The following TAFA2 variants were observed in gnomAD, a reference collection of about 807,000 sequenced individuals.
TAFA2 encodes the protein TAFA chemokine like family member 2, also known as chemokine-like protein TAFA-2.
TAFA2 carries 7 observed loss-of-function variants against 18.8 expected under a neutral mutation model. That is an observed-to-expected ratio of 0.37 (90% CI 0.21 to 0.70). TAFA2 has a LOEUF of 0.70. Ranked by LOEUF, TAFA2 falls within the 30% of genes least tolerant of loss-of-function variation. The probability of loss-of-function intolerance (pLI) is 0.53; values close to 1 mark genes in which losing one functional copy is unlikely to be tolerated. For missense variants in TAFA2, 122 were observed against 158.1 expected, an observed-to-expected ratio of 0.77 and a Z score of 1.23; for synonymous variants, 60 against 54.2, an observed-to-expected ratio of 1.11 and a Z score of -0.47.
At chr12:61,815,030 C>A (rs1872020799) in intron 2 of TAFA2, among the ~76,000 whole-genome samples, 1 of 151,480 alleles carries the variant, frequency 6.6e-6, no homozygotes, top group Non-Finnish European at 1.5e-5. Flanking sequence ...TTCTAAGTCA[C>A]CTAGTGTGTG....
intron 1 of TAFA2, among the ~76,000 whole-genome samples, chr12:62,170,698 T>C (rs4763017): frequency 0.92 from 140,579 of 152,244 alleles, 65,054 homozygotes; most frequent in African/African-American, 0.96. Context: ...GAAGTCTGTG[T>C]CTCTATTGTA....
intron 1 of TAFA2, among the ~76,000 whole-genome samples, chr12:62,217,812 A>G (rs1203736457): frequency 6.6e-6 from 1 of 152,176 alleles, no homozygotes; most frequent in Non-Finnish European, 1.5e-5. Context: ...ACAAATTTGC[A>G]TCTTAGAATC....
intron 2 of TAFA2, among the ~76,000 whole-genome samples, chr12:61,821,819 A>G (rs1238414348): frequency 6.6e-6 from 1 of 152,132 alleles, no homozygotes; most frequent in Non-Finnish European, 1.5e-5. Context: ...TGCTTCAGAC[A>G]GTTTGCCAAA....
intron 4 of TAFA2, among the ~76,000 whole-genome samples, chr12:61,727,641 C>G (rs902541547): frequency 5.9e-5 from 9 of 151,858 alleles, no homozygotes; most frequent in African/African-American, 2.2e-4. Context: ...AATGGTGTAT[C>G]AATTTTGTTT....
chr12:62,152,498 T>C (rs1405301949), intron 1 of TAFA2, among the ~76,000 whole-genome samples: 12 of 152,232 alleles, frequency 7.9e-5, no homozygotes, highest in Admixed American at 7.2e-4. Flanking sequence ...TGGAGACTTG[T>C]AATCCAAAAT....
chr12:62,239,924 G>T (rs1022106826), intron 1 of TAFA2, among the ~76,000 whole-genome samples: 1 of 152,092 alleles, frequency 6.6e-6, no homozygotes, highest in African/African-American at 2.4e-5. Context: ...CAAGTGGGTT[G>T]TTACGCAGAA....
intron 1 of TAFA2, among the ~76,000 whole-genome samples, chr12:61,953,770 C>T (rs1044462437): frequency 6.6e-6 from 1 of 152,110 alleles, no homozygotes; most frequent in Non-Finnish European, 1.5e-5. Flanking sequence ...TGGAGAAACC[C>T]AGCACCACAT....
chr12:62,074,138 T>C (rs934448951), intron 1 of TAFA2, among the ~76,000 whole-genome samples: 1 of 152,180 alleles, frequency 6.6e-6, no homozygotes, highest in African/African-American at 2.4e-5. Context: ...GTTTTACCCT[T>C]CCCCTTCCCA....
chr12:62,248,948 T>C (rs2062898949), intron 1 of TAFA2, among the ~76,000 whole-genome samples: 1 of 152,074 alleles, frequency 6.6e-6, no homozygotes, highest in Non-Finnish European at 1.5e-5. Context: ...TTTGAGAAAA[T>C]GGCTCAGAGC....
chr12:62,104,801 A>C (rs1869372391), intron 1 of TAFA2: 1 of 423,880 alleles, frequency 2.4e-6, no homozygotes, highest in African/African-American at 2.1e-5. Context: ...GGGAGAGCAA[A>C]CTTCTCATCT....
rs201007901 is a variant in TAFA2, at chr12:61,867,312, A to C, written c.106+8T>G. The C allele has an allele frequency of 3.9e-6, 6 of 1,546,136 alleles. No homozygotes were observed. The African/African-American group carries it at 4.2e-5, about 11-fold the overall frequency. ...CATTTAGTTGAAAAAAAAAACAGAA[A>C]AGCTTACCTTTATGATGGTTTGCAC... On this transcript the variant is annotated splice_region_variant and intron_variant, in intron 2 of 4. Coordinates refer to ENST00000416284, the MANE Select transcript of TAFA2 (RefSeq NM_178539.5).
intron 1 of TAFA2, among the ~76,000 whole-genome samples, chr12:62,115,929 T>C (rs1014757682): frequency 2.0e-5 from 3 of 152,176 alleles, no homozygotes; most frequent in African/African-American, 7.2e-5. Context: ...TCCTTCTGTG[T>C]GGTCTAGCCT....
intron 2 of TAFA2, among the ~76,000 whole-genome samples, chr12:61,866,548 G>T (rs1874362858): frequency 6.6e-6 from 1 of 152,142 alleles, no homozygotes; most frequent in South Asian, 2.1e-4. Context: ...GGACAGTTCA[G>T]AAATAGCCCC....
At chr12:61,967,761 A>G (rs1260377201) in intron 1 of TAFA2, among the ~76,000 whole-genome samples, 1 of 151,870 alleles carries the variant, frequency 6.6e-6, no homozygotes, top group Non-Finnish European at 1.5e-5. Context: ...AAACAGACTG[A>G]TAAGTCGAAA....
chr12:62,030,983 A>T (rs1261190538), intron 1 of TAFA2, among the ~76,000 whole-genome samples: 1 of 152,000 alleles, frequency 6.6e-6, no homozygotes, highest in African/African-American at 2.4e-5. Context: ...CCTCACTACA[A>T]CCCTTATATG....
intron 4 of TAFA2, among the ~76,000 whole-genome samples, chr12:61,735,565 C>T (rs560009724): frequency 6.6e-6 from 1 of 152,114 alleles, no homozygotes; most frequent in South Asian, 2.1e-4. Flanking sequence ...TTGATATAAT[C>T]ACTCATATAT....
At chr12:62,170,031 A>C (rs1352452467) in intron 1 of TAFA2, among the ~76,000 whole-genome samples, 2 of 152,130 alleles carry the variant, frequency 1.3e-5, no homozygotes, top group African/African-American at 2.4e-5. Flanking sequence ...ATTCTAAGAT[A>C]ATTTATATAT....
chr12:62,063,855 G>GACACACACACACAC (rs3031045), intron 1 of TAFA2, among the ~76,000 whole-genome samples: 16 of 147,920 alleles, frequency 1.1e-4, no homozygotes, highest in South Asian at 2.2e-4. Flanking sequence ...AGGGTGGCTG[G>GACACACACACACAC]ACACACACAC....
At chr12:61,922,610 G>A (rs1429312641) in intron 1 of TAFA2, among the ~76,000 whole-genome samples, 1 of 152,214 alleles carries the variant, frequency 6.6e-6, no homozygotes, top group African/African-American at 2.4e-5. Flanking sequence ...CGCAGACCAG[G>A]AGATTCCCTT....
Sources: allele counts gnomAD v4.1 joint callset (sites outside exome capture counted in the v4.1 genomes callset), GRCh38; gene constraint gnomAD v4.1.1; transcripts MANE v1.5; gene names NCBI Gene and HGNC (gene_info 2026-07-23, HGNC 2026-07-21).